The following SLC30A6 variants were observed in gnomAD, a reference collection of about 807,000 sequenced individuals.
The protein encoded by SLC30A6 is solute carrier family 30 member 6.
In SLC30A6, 55 loss-of-function variants were observed where a neutral mutation model predicts 63.0. That is an observed-to-expected ratio of 0.87 (90% CI 0.70 to 1.09). The LOEUF (loss-of-function observed/expected upper bound fraction) is 1.09. Among genes scored for constraint, SLC30A6 ranks in the 50% least tolerant of loss-of-function variants. SLC30A6 has a pLI of 0.00. For missense variants in SLC30A6, 587 were observed against 549.2 expected (o/e 1.07, Z -0.69); for synonymous variants, 224 against 186.1 (o/e 1.20, Z -1.66).
chr2:32,203,216 A>G (rs1281132813), intron 10 of SLC30A6: 18 of 1,096,210 alleles, frequency 1.6e-5, no homozygotes, highest in South Asian at 2.5e-5. Context: ...TTGAGTCTAT[A>G]TCCATCGTTC....
At chr2:32,218,406 C>T (rs1282588538) in intron 13 of SLC30A6, among the ~76,000 whole-genome samples, 1 of 152,218 alleles carries the variant, frequency 6.6e-6, no homozygotes, top group Non-Finnish European at 1.5e-5. Context: ...AGTCAATCTT[C>T]CTCATCCTTT....
intron 10 of SLC30A6, 91 bp from the exon 11 acceptor site, chr2:32,204,499 G>T (rs1684569392): frequency 1.3e-6 from 1 of 762,590 alleles, no homozygotes; most frequent in Non-Finnish European, 2.1e-6. Flanking sequence ...GCTCAGTCCT[G>T]TTGCTTTAGA....
intron 4 of SLC30A6, among the ~76,000 whole-genome samples, chr2:32,180,489 C>T (rs895675582): frequency 1.3e-5 from 2 of 151,942 alleles, no homozygotes; most frequent in Admixed American, 6.6e-5. Context: ...AGTACAGTGG[C>T]ACGATCTTGG....
At chr2:32,202,485 A>AC (rs1684383411) in intron 10 of SLC30A6, 1 of 262,782 alleles carries the variant, frequency 3.8e-6, no homozygotes. Flanking sequence ...ACCCGCCACC[A>AC]CCCCCGACTA....
intron 10 of SLC30A6, chr2:32,203,301 GAT>G (rs1365387809): frequency 4.4e-6 from 4 of 919,514 alleles, no homozygotes; most frequent in African/African-American, 1.6e-5. Context: ...GGTCAACTAA[GAT>G]ATGTGGAACA....
chr2:32,178,762 T>C (rs1418685335), intron 4 of SLC30A6, among the ~76,000 whole-genome samples: 1 of 152,274 alleles, frequency 6.6e-6, no homozygotes, highest in African/African-American at 2.4e-5. Context: ...CCCATTGATC[T>C]GTATGTCTGT....
intron 11 of SLC30A6, among the ~76,000 whole-genome samples, chr2:32,206,477 C>T (rs1016348350): frequency 6.6e-6 from 1 of 151,150 alleles, no homozygotes; most frequent in African/African-American, 2.4e-5. Flanking sequence ...GCCGGATGTG[C>T]GTGTAAGCAC....
chr2:32,215,567 A>G (rs1055889251), intron 13 of SLC30A6, among the ~76,000 whole-genome samples: 1 of 149,182 alleles, frequency 6.7e-6, no homozygotes, highest in African/African-American at 2.5e-5. Context: ...CCAATTGTTA[A>G]GAAAATAAAA....
chr2:32,179,779 CATTT>C (rs1224547246), intron 4 of SLC30A6, among the ~76,000 whole-genome samples: 1 of 152,066 alleles, frequency 6.6e-6, no homozygotes, highest in Admixed American at 6.5e-5. Context: ...TACACTCATT[CATTT>C]GCTTGTATTT....
rs551580128 is a variant in SLC30A6 at position 32,217,356 on chromosome 2, T to A, written c.886-2857T>A. Among the ~76,000 whole-genome samples the A allele has an allele frequency of 2.0e-5, 3 of 152,338 alleles. No individual in the cohort carries two copies. The East Asian group carries it at 5.8e-4, about 29-fold the overall frequency. On this transcript the variant is annotated intron_variant, in intron 13 of 13. Transcript: ENST00000282587. ...TCCCCACTGCCTATTTTTGTTGACT[T>A]TGTCAAAGATCAGATGGCTGTAGGT... is the stretch of plus-strand genomic sequence containing the variant.
chr2:32,169,790 A>G (rs750755368), intron 1 of SLC30A6, among the ~76,000 whole-genome samples: 1 of 152,204 alleles, frequency 6.6e-6, no homozygotes, highest in Non-Finnish European at 1.5e-5. Context: ...GATGGATGTG[A>G]CTGTGTATAG....
intron 13 of SLC30A6, among the ~76,000 whole-genome samples, chr2:32,217,456 T>C (rs914523467): frequency 1.3e-5 from 2 of 152,222 alleles, no homozygotes; most frequent in Non-Finnish European, 2.9e-5. Flanking sequence ...TACCATGCTG[T>C]TTTGGTTACT....
At chr2:32,193,411 A>G (rs559692072) in intron 7 of SLC30A6, among the ~76,000 whole-genome samples, 1 of 152,038 alleles carries the variant, frequency 6.6e-6, no homozygotes, top group East Asian at 1.9e-4. Context: ...CCTGTCTCCA[A>G]AAAAAAGAAA....
intron 12 of SLC30A6, among the ~76,000 whole-genome samples, chr2:32,209,173 T>A (rs1573403122): frequency 6.6e-6 from 1 of 152,208 alleles, no homozygotes; most frequent in East Asian, 1.9e-4. Context: ...GTGCTAGATA[T>A]AAATATATTC....
intron 4 of SLC30A6, among the ~76,000 whole-genome samples, chr2:32,179,030 T>C (rs1017777978): frequency 2.0e-5 from 3 of 152,142 alleles, no homozygotes; most frequent in African/African-American, 7.2e-5. Context: ...TGCCTAATTT[T>C]TTGATATTTT....
chr2:32,189,376 C>G (rs1369155242), intron 5 of SLC30A6, among the ~76,000 whole-genome samples: 1 of 151,252 alleles, frequency 6.6e-6, no homozygotes, highest in African/African-American at 2.4e-5. Context: ...ACTGCAACCT[C>G]CACCTCCCGG....
At chr2:32,204,334 A>G (rs1684556821) in intron 10 of SLC30A6, among the ~76,000 whole-genome samples, 1 of 152,006 alleles carries the variant, frequency 6.6e-6, no homozygotes, top group African/African-American at 2.4e-5. Context: ...AAATGTCCAC[A>G]TTTTTTTTCA....
chr2:32,192,534 G>T, intron 6 of SLC30A6, 118 bp downstream of exon 6: 1 of 759,592 alleles, frequency 1.3e-6, no homozygotes, highest in Non-Finnish European at 2.2e-6. Flanking sequence ...CAGGGCTGGA[G>T]TTTTGATAGT....
intron 13 of SLC30A6, among the ~76,000 whole-genome samples, chr2:32,215,341 C>A (rs534421681): frequency 3.3e-5 from 5 of 151,590 alleles, no homozygotes; most frequent in Admixed American, 6.6e-5. Context: ...ACTATAGGCG[C>A]GCACCACCAC....
Sources: gnomAD v4.1 joint callset for allele counts (sites outside exome capture counted in the v4.1 genomes callset) on GRCh38, gnomAD v4.1.1 for gene constraint, MANE v1.5 for transcripts, NCBI Gene and HGNC (gene_info 2026-07-23, HGNC 2026-07-21) for gene names.